Variants in MXD4 observed in about 807,000 individuals in gnomAD.
The protein encoded by MXD4 is Mad4 homolog.
MXD4 carries 16 observed loss-of-function variants against 24.5 expected under a neutral mutation model. The ratio of observed to expected loss-of-function variants is 0.65; its 90% confidence interval spans 0.44 to 0.99. The LOEUF (loss-of-function observed/expected upper bound fraction) is 0.99, where lower values mean the gene tolerates loss of function less well. Among genes scored for constraint, MXD4 ranks in the 50% least tolerant of loss-of-function variants. The pLI, the probability that MXD4 is intolerant of heterozygous loss-of-function variation, is 0.00. For synonymous variants in MXD4, 164 were observed against 134.2 expected (o/e 1.22, Z -1.54); for missense variants, 301 against 301.5 (o/e 1.00, Z 0.01).
rs1735269431 is a variant in MXD4, at chr4:2,249,561, A to G, written c.*983T>C. The G allele has an allele frequency of 6.6e-6, 1 of 152,046 alleles. No individual in the cohort carries two copies. The highest frequency in any genetic ancestry group is 1.9e-4 in the East Asian group (1 of 5,154). The allele number at this position is 152,046 out of a possible 1,614,324, so 9.4% of individuals were successfully genotyped here. On this transcript the variant is annotated 3_prime_UTR_variant, in exon 6 of 6. Transcript: ENST00000337190. ...AGGAGCCCTAACCGGGCTGCTGGGC[A>G]GTGCAGCATTTTACTTTTTTGCTTT...
In MXD4 at chr4:2,262,002, C is replaced by T. The variant is rs1735559092; in HGVS notation, c.-22G>A. ...CCATCCTCCCGCCCGCGCCCGTCCG[C>T]CCCGGGACGGCGGCGGCCGCTGCCC... On this transcript the variant is annotated 5_prime_UTR_variant, in exon 1 of 6. Transcript: ENST00000337190. The T allele has an allele frequency of 1.6e-6, 2 of 1,252,746 alleles. No homozygotes were observed. Among genetic ancestry groups the T allele is most frequent in the Non-Finnish European group, 2.0e-6 (2 of 992,224 alleles). The allele number at this position is 1,252,746 out of a possible 1,614,324, so 77.6% of individuals were successfully genotyped here.
In MXD4 at chr4:2,249,484, G is replaced by C. The variant is rs11649; in HGVS notation, c.*1060C>G. The C allele has an allele frequency of 0.24, 36,228 of 150,994 alleles. 6,992 individuals carry two copies. The highest frequency in any genetic ancestry group is 0.52 in the African/African-American group (21,402 of 41,040). 9.4% of individuals were successfully genotyped at this position (150,994 alleles called of 1,614,324 possible). A position where few individuals can be genotyped will look rare whatever the true frequency, so the allele number is the denominator to read the frequency against. On this transcript the variant is annotated 3_prime_UTR_variant, in exon 6 of 6. Transcript: ENST00000337190. ...TTTTTCTGGGAAAGCCTCTCTGCCA[G>C]CTGAAGCTGCCGCAGCAGAGCTCAT...
In MXD4 at chr4:2,248,799, T is replaced by C. The variant is rs1735251380; in HGVS notation, c.*1745A>G. On this transcript the variant is annotated 3_prime_UTR_variant, in exon 6 of 6. Coordinates refer to ENST00000337190, the MANE Select transcript of MXD4 (RefSeq NM_006454.3). ...TGAAAATAGACACGAATTTTCCCCA[T>C]GATATGGGAATTGGCTACAGATGTA... 6.6e-6 allele frequency: 1 copy of C among 152,184 alleles called. No homozygotes were observed. Among genetic ancestry groups the C allele is most frequent in the Non-Finnish European group, 1.5e-5 (1 of 68,022 alleles). The allele number at this position is 152,184 out of a possible 1,614,324, so 9.4% of individuals were successfully genotyped here.
chr4:2,250,710 A>C lies in MXD4; in HGVS notation c.473-9T>G. ...GCCCTCTATGTCCACTTCTAGGGAGAATAGAGTGGGGATGGGGTCAGGCCA... is the reference window on the plus strand; with the variant it reads ...GCCCTCTATGTCCACTTCTAGGGAGCATAGAGTGGGGATGGGGTCAGGCCA... On this transcript the variant is annotated splice_polypyrimidine_tract_variant and intron_variant, in intron 5 of 5. Coordinates refer to ENST00000337190, the MANE Select transcript of MXD4 (RefSeq NM_006454.3). 1.9e-6 allele frequency: 3 copies of C among 1,611,310 alleles called. No individual in the cohort carries two copies. Among genetic ancestry groups the C allele is most frequent in the Non-Finnish European group, 2.5e-6 (3 of 1,178,706 alleles).
At chr4:2,257,842 G>T in intron 3 of MXD4, 140 bp downstream of exon 3, 2 of 1,135,148 alleles carry the variant, frequency 1.8e-6, no homozygotes, top group Non-Finnish European at 1.3e-6. Flanking sequence ...CTCCAAGTCT[G>T]ACCATTCCCA....
chr4:2,250,354 C>T lies in MXD4; in HGVS notation c.*190G>A, dbSNP rs1466002570. ...CCTCCTTGCAGGGGACTCTGCCCAG[C>T]TGGAAGGGGCAGGCAGCTCGGCAGG... On this transcript the variant is annotated 3_prime_UTR_variant, in exon 6 of 6. Coordinates refer to ENST00000337190, the MANE Select transcript of MXD4 (RefSeq NM_006454.3). 3.9e-6 allele frequency: 3 copies of T among 770,002 alleles called. No individual in the cohort carries two copies. Among genetic ancestry groups the T allele is most frequent in the Non-Finnish European group, 4.0e-6 (2 of 497,258 alleles). The allele number at this position is 770,002 out of a possible 1,614,324, so 47.7% of individuals were successfully genotyped here.
At chr4:2,254,071 G>A (rs1735375752) in intron 3 of MXD4, 1 of 152,310 alleles carries the variant, frequency 6.6e-6, no homozygotes, top group African/African-American at 2.4e-5. Context: ...AGGTTTGCAA[G>A]TGGGGACGTT....
chr4:2,256,191 C>G (rs915877480), intron 3 of MXD4, among the ~76,000 whole-genome samples: 5 of 152,240 alleles, frequency 3.3e-5, no homozygotes, highest in African/African-American at 1.2e-4. Context: ...ACACTAAGAT[C>G]AGAGCCTGGA....
Position 2,251,007 on chromosome 4 carries a change from C to T in MXD4, c.472+77G>A. The stretch of plus-strand genomic sequence containing the variant: ...TTCTCCCCAGCCCCAGCACCAGGCA[C>T]CTCCTCTCCACCCAGGGAGCTGCAC... On this transcript the variant is annotated intron_variant, in intron 5 of 5. Transcript: ENST00000337190. 3 of 1,436,936 alleles carry T rather than the reference C, an allele frequency of 2.1e-6. No homozygotes were observed. The South Asian group carries it at 4.3e-5, about 21-fold the overall frequency. 89.0% of individuals were successfully genotyped at this position (1,436,936 alleles called of 1,614,324 possible). A position where few individuals can be genotyped will look rare whatever the true frequency, so the allele number is the denominator to read the frequency against.
chr4:2,259,589 T>C (rs1488912792), intron 2 of MXD4, among the ~76,000 whole-genome samples: 2 of 152,016 alleles, frequency 1.3e-5, no homozygotes, highest in African/African-American at 4.8e-5. Context: ...CATAAAAGCC[T>C]ACCTGCCTAC....
At chr4:2,258,644 C>G (rs943581638) in intron 2 of MXD4, among the ~76,000 whole-genome samples, 1 of 152,336 alleles carries the variant, frequency 6.6e-6, no homozygotes, top group South Asian at 2.1e-4. Context: ...ACCACTCTCT[C>G]GGGCTCACAC....
chr4:2,252,192 C>T (rs1443091439), intron 4 of MXD4, among the ~76,000 whole-genome samples: 5 of 152,160 alleles, frequency 3.3e-5, no homozygotes, highest in African/African-American at 4.8e-5. Context: ...ACACAAGCCA[C>T]GGAACAGCCT....
intron 2 of MXD4, among the ~76,000 whole-genome samples, chr4:2,260,053 G>C (rs1735507850): frequency 6.6e-6 from 1 of 152,260 alleles, no homozygotes; most frequent in Non-Finnish European, 1.5e-5. Context: ...CTACTTGTCT[G>C]GGCTGGCTGA....
chr4:2,252,492 C>T lies in MXD4; in HGVS notation c.225G>A (p.Gln75=), dbSNP rs1237294846. Residue 75 remains glutamine (Q), a synonymous_variant, in exon 4 of 6, where the codon CAG becomes CAA. Transcript: ENST00000337190. ...GGCCCAGGGGCACCAGTTGCTTGAGCTGCTCAAGGTACAGCCTGAGTTTGG... is the reference window on the plus strand; with the variant it reads ...GGCCCAGGGGCACCAGTTGCTTGAGTTGCTCAAGGTACAGCCTGAGTTTGG... The part of the protein sequence containing the change: ...RRAKLRLYLE[Q]LKQLVPLGPD... 1.2e-5 allele frequency: 19 copies of T among 1,611,942 alleles called. No individual in the cohort carries two copies. In the Admixed American group the frequency reaches 3.2e-4, roughly 27 times the overall value.
At chr4:2,255,101 A>C (rs1302961654) in intron 3 of MXD4, 3 of 364,670 alleles carry the variant, frequency 8.2e-6, no homozygotes, top group Non-Finnish European at 1.6e-5. Context: ...CTGTGCAGTC[A>C]TCAGGGATGA....
Position 2,249,595 on chromosome 4 carries a change from A to G in MXD4, c.*949T>C, listed in dbSNP as rs529681834. On this transcript the variant is annotated 3_prime_UTR_variant, in exon 6 of 6. Transcript: ENST00000337190. ...TTTTACTTTTTTGCTTTTTGTTTAA[A>G]AAAGGGAGATGAGTAAGCCCCCGAG... is the stretch of plus-strand genomic sequence containing the variant. The G allele has an allele frequency of 6.6e-6, 1 of 152,232 alleles. No individual in the cohort carries two copies. Among genetic ancestry groups the G allele is most frequent in the East Asian group, 1.9e-4 (1 of 5,152 alleles). 9.4% of individuals were successfully genotyped at this position (152,232 alleles called of 1,614,324 possible).
chr4:2,256,955 C>T (rs1735443513), intron 3 of MXD4, among the ~76,000 whole-genome samples: 1 of 152,176 alleles, frequency 6.6e-6, no homozygotes, highest in Admixed American at 6.5e-5. Flanking sequence ...AGGCCTGGAA[C>T]AATTCCAGGC....
chr4:2,261,254 G>A (rs921350070), intron 2 of MXD4, among the ~76,000 whole-genome samples: 1 of 152,222 alleles, frequency 6.6e-6, no homozygotes, highest in Non-Finnish European at 1.5e-5. Flanking sequence ...TGGCCGAGCA[G>A]CAGAGTTCGG....
chr4:2,258,932 G>T (rs1341796305), intron 2 of MXD4: 3 of 456,124 alleles, frequency 6.6e-6, no homozygotes, highest in Non-Finnish European at 1.3e-5. Context: ...GCACCACAGG[G>T]TGTGCCACAG....
Sources: allele counts gnomAD v4.1 joint callset (sites outside exome capture counted in the v4.1 genomes callset), GRCh38; gene constraint gnomAD v4.1.1; transcripts MANE v1.5; gene names NCBI Gene and HGNC (gene_info 2026-07-23, HGNC 2026-07-21).